The following FAM210A variants were observed in gnomAD, a reference collection of about 807,000 sequenced individuals.
FAM210A encodes the protein family with sequence similarity 210 member A.
In FAM210A, 13 loss-of-function variants were observed where a neutral mutation model predicts 25.3. The observed-to-expected ratio is 0.51, with a 90% CI of 0.33 to 0.82. The LOEUF (loss-of-function observed/expected upper bound fraction) is 0.82, where lower values mean the gene tolerates loss of function less well. Ranked by LOEUF, FAM210A falls within the 40% of genes least tolerant of loss-of-function variation. The pLI, the probability that FAM210A is intolerant of heterozygous loss-of-function variation, is 0.02. For synonymous variants in FAM210A, 125 were observed against 118.7 expected (o/e 1.05, Z -0.35); for missense variants, 319 against 323.2 (o/e 0.99, Z 0.10).
At chr18:13,718,558 G>A (rs2043877790) in intron 1 of FAM210A, among the ~76,000 whole-genome samples, 1 of 151,990 alleles carries the variant, frequency 6.6e-6, no homozygotes, top group Non-Finnish European at 1.5e-5. Context: ...TGCTAATCTA[G>A]TGAATTTCCC....
Position 13,713,715 on chromosome 18 carries a change from G to A in FAM210A, c.-29+12614C>T, listed in dbSNP as rs571879063. Among the ~76,000 whole-genome samples the A allele has an allele frequency of 5.7e-4, 14 of 24,722 alleles. No individual in the cohort carries two copies. In the East Asian group the frequency reaches 0.025, roughly 43 times the overall value. The allele number at this position is 24,722 out of a possible 152,430, so 16.2% of individuals were successfully genotyped here. A position where few individuals can be genotyped will look rare whatever the true frequency, so the allele number is the denominator to read the frequency against. ...TCCGTGATTAGTAGCGGGGAAGTAT[G>A]TCACTATAAAACACACACACACACA... On this transcript the variant is annotated intron_variant, in intron 1 of 3. Transcript: ENST00000651643.
intron 1 of FAM210A, among the ~76,000 whole-genome samples, chr18:13,708,779 C>T (rs2043800088): frequency 6.6e-6 from 1 of 152,216 alleles, no homozygotes; most frequent in Admixed American, 6.5e-5. Flanking sequence ...GCCTCCATTC[C>T]CTTCTTTTCT....
At chr18:13,710,694 A>G (rs894840545) in intron 1 of FAM210A, among the ~76,000 whole-genome samples, 61 of 152,092 alleles carry the variant, frequency 4.0e-4, no homozygotes, top group African/African-American at 1.4e-3. Flanking sequence ...TACTGCCCCC[A>G]TCCAGAGACA....
At chr18:13,698,833 T>C (rs1291852840) in intron 1 of FAM210A, among the ~76,000 whole-genome samples, 1 of 152,154 alleles carries the variant, frequency 6.6e-6, no homozygotes, top group African/African-American at 2.4e-5. Flanking sequence ...CTCCCCCCGA[T>C]ACCTATAAGT....
chr18:13,671,102 A>C (rs1017754109), intron 3 of FAM210A: 1 of 154,872 alleles, frequency 6.5e-6, no homozygotes, highest in African/African-American at 2.4e-5. Flanking sequence ...CATATAAGAC[A>C]ATTTGGATTA....
At chr18:13,716,608 A>G (rs982212298) in intron 1 of FAM210A, among the ~76,000 whole-genome samples, 3 of 152,094 alleles carry the variant, frequency 2.0e-5, no homozygotes, top group East Asian at 3.9e-4. Flanking sequence ...TCAAATTGTA[A>G]TCCCCACGTG....
chr18:13,721,733 C>A (rs1368573120), intron 1 of FAM210A, among the ~76,000 whole-genome samples: 1 of 152,056 alleles, frequency 6.6e-6, no homozygotes, highest in Non-Finnish European at 1.5e-5. Context: ...TGAGGAGAAC[C>A]TGGGTTAAAC....
At chr18:13,684,903 G>A (rs1441741450) in intron 1 of FAM210A, among the ~76,000 whole-genome samples, 1 of 151,916 alleles carries the variant, frequency 6.6e-6, no homozygotes, top group African/African-American at 2.4e-5. Flanking sequence ...CATAAAGATA[G>A]CCGGGAACTC....
chr18:13,681,418 T>C (rs189528229), intron 2 of FAM210A, among the ~76,000 whole-genome samples, 187 bp downstream of exon 2: 3 of 152,244 alleles, frequency 2.0e-5, no homozygotes, highest in Admixed American at 6.5e-5. Flanking sequence ...AGTTAAAAAC[T>C]GCACCAGATG....
chr18:13,678,864 C>T (rs976145457), intron 2 of FAM210A, among the ~76,000 whole-genome samples: 2 of 152,196 alleles, frequency 1.3e-5, no homozygotes, highest in Non-Finnish European at 1.5e-5. Flanking sequence ...TTTTGCCTCA[C>T]AGTGGATCTG....
At chr18:13,723,210 G>A (rs2043911003) in intron 1 of FAM210A, among the ~76,000 whole-genome samples, 2 of 152,084 alleles carry the variant, frequency 1.3e-5, no homozygotes, top group African/African-American at 2.4e-5. Flanking sequence ...ACTCATTACT[G>A]CCTTTGAATC....
chr18:13,676,568 C>T (rs1247038263), intron 2 of FAM210A, among the ~76,000 whole-genome samples: 2 of 152,240 alleles, frequency 1.3e-5, no homozygotes, highest in Non-Finnish European at 2.9e-5. Context: ...TGACCCTTCG[C>T]CCCTAAATCA....
intron 1 of FAM210A, among the ~76,000 whole-genome samples, chr18:13,691,688 A>T (rs1219036422): frequency 2.0e-5 from 3 of 150,416 alleles, no homozygotes; most frequent in African/African-American, 4.9e-5. Context: ...AATACTTTAC[A>T]GACAAGCAAA....
chr18:13,693,589 C>T (rs2043667986), intron 1 of FAM210A, among the ~76,000 whole-genome samples: 1 of 152,210 alleles, frequency 6.6e-6, no homozygotes, highest in Non-Finnish European at 1.5e-5. Flanking sequence ...GCTGGTTCAA[C>T]ATACGCAAAT....
At chr18:13,674,790 C>A (rs199674391) in intron 2 of FAM210A, among the ~76,000 whole-genome samples, 84 of 24,326 alleles carry the variant, frequency 3.5e-3, no homozygotes, top group Non-Finnish European at 6.3e-3. Flanking sequence ...TGATTATTAA[C>A]ATTCCTGAGC....
chr18:13,673,689 T>C (rs78553816), intron 2 of FAM210A, among the ~76,000 whole-genome samples: 1 of 149,920 alleles, frequency 6.7e-6, no homozygotes, highest in South Asian at 2.1e-4. Flanking sequence ...TCCTGAGCCG[T>C]GACTTATTTC....
intron 1 of FAM210A, among the ~76,000 whole-genome samples, chr18:13,705,535 G>A (rs2043771537): frequency 6.6e-6 from 1 of 152,100 alleles, no homozygotes; most frequent in Non-Finnish European, 1.5e-5. Context: ...GCAGTGGCAT[G>A]ATCTCGGCCC....
At chr18:13,693,865 T>G (rs74608012) in intron 1 of FAM210A, among the ~76,000 whole-genome samples, 135,593 of 152,220 alleles carry the variant, frequency 0.89, 60,492 homozygotes, top group East Asian at 0.95. Flanking sequence ...CAGCATAGTG[T>G]TGGAAGTTCT....
In FAM210A at chr18:13,666,639, G is replaced by C; in HGVS notation, c.660C>G (p.Gly220=). The C allele has an allele frequency of 6.2e-7, 1 of 1,614,190 alleles. No individual in the cohort carries two copies. The highest frequency in any genetic ancestry group is 8.5e-7 in the Non-Finnish European group (1 of 1,180,038). Residue 220 remains glycine, a synonymous_variant, in exon 4 of 4, where the codon GGC becomes GGG. Transcript: ENST00000651643. ...SVTVKYLRSH[G]YMSTPPPVKE... is the part of the protein sequence containing the mutation. Reference sequence around the variant, plus strand: ...TGACGGGTGGCGGCGTGGACATGTAGCCATGACTGCGCAGATACTTCACAG... The same window carrying C: ...TGACGGGTGGCGGCGTGGACATGTACCCATGACTGCGCAGATACTTCACAG...
Sources: allele counts gnomAD v4.1 joint callset (sites outside exome capture counted in the v4.1 genomes callset), GRCh38; gene constraint gnomAD v4.1.1; transcripts MANE v1.5; gene names NCBI Gene and HGNC (gene_info 2026-07-23, HGNC 2026-07-21).